ERBB4: variants seen among roughly 807,000 people sequenced by gnomAD.
ERBB4 encodes erb-b2 receptor tyrosine kinase 4.
A neutral mutation model predicts 158.0 loss-of-function variants in ERBB4; 42 were observed. The ratio of observed to expected loss-of-function variants is 0.27; its 90% CI spans 0.21 to 0.34. The LOEUF (loss-of-function observed/expected upper bound fraction) is 0.34, where lower values mean the gene tolerates loss of function less well. Among genes scored for constraint, ERBB4 ranks in the 10% least tolerant of loss-of-function variants. The probability of loss-of-function intolerance (pLI) is 1.00; values close to 1 mark genes in which losing one functional copy is unlikely to be tolerated. For missense variants in ERBB4, 1,333 were observed against 1,624.1 expected, an observed-to-expected ratio of 0.82 and a Z score of 3.08; for synonymous variants, 583 against 558.7, an observed-to-expected ratio of 1.04 and a Z score of -0.61.
At chr2:211,614,523 T>A (rs1294668403) in intron 19 of ERBB4, among the ~76,000 whole-genome samples, 1 of 152,028 alleles carries the variant, frequency 6.6e-6, no homozygotes, top group Non-Finnish European at 1.5e-5. Context: ...AAACTTCTCA[T>A]GTACCCCATA....
At chr2:212,428,116 T>TTTTGG (rs2091954142) in intron 1 of ERBB4, among the ~76,000 whole-genome samples, 1 of 152,138 alleles carries the variant, frequency 6.6e-6, no homozygotes, top group African/African-American at 2.4e-5. Context: ...TGAAACCTTA[T>TTTTGG]TTTGGTTTGT....
intron 1 of ERBB4, among the ~76,000 whole-genome samples, chr2:212,174,226 C>T (rs144888779): frequency 2.7e-3 from 414 of 152,160 alleles, no homozygotes; most frequent in Non-Finnish European, 4.4e-3. Flanking sequence ...ATACTCTCTA[C>T]ATTTATGATT....
chr2:211,589,467 G>C (rs1426255580), intron 19 of ERBB4, among the ~76,000 whole-genome samples: 1 of 152,086 alleles, frequency 6.6e-6, no homozygotes, highest in Non-Finnish European at 1.5e-5. Context: ...AAATCAACCA[G>C]ACTCAGTTCA....
intron 2 of ERBB4, among the ~76,000 whole-genome samples, chr2:212,012,914 T>G (rs903266011): frequency 1.1e-4 from 16 of 151,990 alleles, no homozygotes; most frequent in Admixed American, 6.6e-5. Flanking sequence ...CTGGTCAACC[T>G]GTTGATTTTT....
chr2:211,537,509 A>T (rs151202178), intron 20 of ERBB4, among the ~76,000 whole-genome samples: 2 of 152,116 alleles, frequency 1.3e-5, no homozygotes, highest in Non-Finnish European at 2.9e-5. Context: ...CTCTTAACTC[A>T]GGCCCTTCAT....
chr2:212,366,033 T>C (rs2089878142), intron 1 of ERBB4, among the ~76,000 whole-genome samples: 1 of 151,850 alleles, frequency 6.6e-6, no homozygotes, highest in Non-Finnish European at 1.5e-5. Flanking sequence ...GAAAATGCCC[T>C]AAAAATTTTG....
chr2:212,485,136 G>A (rs886541050), intron 1 of ERBB4, among the ~76,000 whole-genome samples: 3 of 152,286 alleles, frequency 2.0e-5, no homozygotes, highest in Admixed American at 6.5e-5. Context: ...AAGAAACAGC[G>A]ACCATTTTAG....
intron 20 of ERBB4, among the ~76,000 whole-genome samples, chr2:211,544,446 T>C (rs1035003272): frequency 6.6e-6 from 1 of 152,002 alleles, no homozygotes; most frequent in Non-Finnish European, 1.5e-5. Flanking sequence ...AGAGTGTCCC[T>C]GAGAGACGTA....
chr2:211,852,224 T>C (rs2077737326), intron 3 of ERBB4, among the ~76,000 whole-genome samples: 1 of 151,886 alleles, frequency 6.6e-6, no homozygotes, highest in African/African-American at 2.4e-5. Flanking sequence ...GTTGAAGCCA[T>C]GGAAAAGCTC....
chr2:212,303,522 T>C (rs997953159), intron 1 of ERBB4, among the ~76,000 whole-genome samples: 1 of 151,430 alleles, frequency 6.6e-6, no homozygotes, highest in East Asian at 1.9e-4. Context: ...GCTTAAGCCC[T>C]GAAAGTTGTA....
At chr2:212,523,909 A>C (rs73069050) in intron 1 of ERBB4, among the ~76,000 whole-genome samples, 2,726 of 152,098 alleles carry the variant, frequency 0.018, 75 homozygotes, top group African/African-American at 0.061. Flanking sequence ...GGTTAGCTCC[A>C]GGAGAAACTC....
At chr2:211,513,360 AAAAAAAAAAAAAAAAAC>A (rs1356108993) in intron 20 of ERBB4, among the ~76,000 whole-genome samples, 1 of 102,760 alleles carries the variant, frequency 9.7e-6, no homozygotes, top group Non-Finnish European at 2.0e-5. Context: ...TCCGTCTCAA[AAAAAAAAAAAAAAAAAC>A]AAAAAAAAAA....
At chr2:211,800,515 A>G (rs1400903891) in intron 3 of ERBB4, among the ~76,000 whole-genome samples, 2 of 152,168 alleles carry the variant, frequency 1.3e-5, no homozygotes, top group African/African-American at 4.8e-5. Flanking sequence ...GAGATGAGGC[A>G]CAATTTTATC....
At chr2:211,889,332 G>T (rs1180427520) in intron 3 of ERBB4, among the ~76,000 whole-genome samples, 1 of 145,606 alleles carries the variant, frequency 6.9e-6, no homozygotes, top group African/African-American at 2.7e-5. Context: ...ACCTGCAGCT[G>T]AGGGTCCTCT....
At chr2:211,620,434 T>C (rs1574869223) in intron 18 of ERBB4, among the ~76,000 whole-genome samples, 2 of 152,204 alleles carry the variant, frequency 1.3e-5, no homozygotes, top group South Asian at 2.1e-4. Flanking sequence ...CTACAACATA[T>C]GTATTTGTGT....
intron 3 of ERBB4, among the ~76,000 whole-genome samples, chr2:211,821,846 T>C (rs76489147): frequency 0.044 from 6,690 of 152,028 alleles, 250 homozygotes; most frequent in Non-Finnish European, 0.066. Context: ...ATGCTAGATA[T>C]AGTTAATTCA....
Position 211,839,137 on chromosome 2 carries a change from G to A in ERBB4, c.422-50978C>T, listed in dbSNP as rs898111789. Among the ~76,000 whole-genome samples the A allele has an allele frequency of 2.6e-3, 344 of 131,632 alleles. 3 individuals are homozygous for A. The highest frequency in any genetic ancestry group is 9.6e-3 in the African/African-American group (338 of 35,072). 86.4% of individuals were successfully genotyped at this position (131,632 alleles called of 152,430 possible). On this transcript the variant is annotated intron_variant, in intron 3 of 27. Transcript: ENST00000342788. ...AGAAATAAAGAGAGAGAGAGAGGGA[G>A]AGAGGGAGAGAGAGAAGGAGGAGGA...
At chr2:211,768,736 G>A (rs2075618442) in intron 4 of ERBB4, among the ~76,000 whole-genome samples, 3 of 152,112 alleles carry the variant, frequency 2.0e-5, no homozygotes, top group Admixed American at 1.3e-4. Context: ...CAAGGCCCTG[G>A]GACCAGCCCA....
chr2:212,202,186 ATGG>A (rs903798972), intron 1 of ERBB4, among the ~76,000 whole-genome samples: 1 of 152,090 alleles, frequency 6.6e-6, no homozygotes, highest in Non-Finnish European at 1.5e-5. Context: ...TTTATTTAAA[ATGG>A]TGGTGCGAAA....
Sources: gnomAD v4.1 joint callset for allele counts (sites outside exome capture counted in the v4.1 genomes callset) on GRCh38, gnomAD v4.1.1 for gene constraint, MANE v1.5 for transcripts, NCBI Gene and HGNC (gene_info 2026-07-23, HGNC 2026-07-21) for gene names.